The following RAB12 variants were observed in gnomAD, a reference collection of about 807,000 sequenced individuals.
The protein encoded by RAB12 is RAB12, member RAS oncogene family, also known as ras-related protein Rab-12.
A neutral mutation model predicts 28.4 loss-of-function variants in RAB12; 11 were observed. The observed-to-expected ratio is 0.39, with a 90% CI of 0.24 to 0.64. RAB12 has a LOEUF of 0.64. Among genes scored for constraint, RAB12 ranks in the 30% least tolerant of loss-of-function variants. The probability of loss-of-function intolerance (pLI) is 0.50; values close to 1 mark genes in which losing one functional copy is unlikely to be tolerated. For missense variants in RAB12, 276 were observed against 351.1 expected, an observed-to-expected ratio of 0.79 and a Z score of 1.71; for synonymous variants, 138 against 145.3, an observed-to-expected ratio of 0.95 and a Z score of 0.36.
chr18:8,626,944 G>GT (rs2148709757), intron 2 of RAB12, among the ~76,000 whole-genome samples: 1 of 152,326 alleles, frequency 6.6e-6, no homozygotes, highest in Non-Finnish European at 1.5e-5. Flanking sequence ...CTGCAGGAAG[G>GT]TTTTGAACAG....
At chr18:8,618,801 C>A (rs1229707885) in intron 1 of RAB12, among the ~76,000 whole-genome samples, 1 of 152,200 alleles carries the variant, frequency 6.6e-6, no homozygotes, top group Non-Finnish European at 1.5e-5. Context: ...TGTGAGCCAC[C>A]GTGCTCAGCC....
intron 1 of RAB12, among the ~76,000 whole-genome samples, chr18:8,612,275 T>C (rs929542908): frequency 6.6e-6 from 1 of 152,208 alleles, no homozygotes; most frequent in Non-Finnish European, 1.5e-5. Flanking sequence ...TTCCTCGTCA[T>C]TGGAATGTTT....
At chr18:8,620,165 C>CT (rs2096009078) in intron 1 of RAB12, among the ~76,000 whole-genome samples, 1 of 75,436 alleles carries the variant, frequency 1.3e-5, no homozygotes, top group Non-Finnish European at 2.3e-5. Context: ...TTTTTTGCTT[C>CT]AAAAAAAAAA....
Position 8,639,243 on chromosome 18 carries a change from CTG to C in RAB12, c.*982_*983del, listed in dbSNP as rs367749023. 160 of 122,534 alleles carry C rather than the reference CTG, an allele frequency of 1.3e-3. No homozygotes were observed. The highest frequency in any genetic ancestry group is 4.5e-3 in the African/African-American group (144 of 31,850). 7.6% of individuals were successfully genotyped at this position (122,534 alleles called of 1,614,324 possible). A position where few individuals can be genotyped will look rare whatever the true frequency, so the allele number is the denominator to read the frequency against. On this transcript the variant is annotated 3_prime_UTR_variant, in exon 6 of 6. Coordinates refer to ENST00000649141, the MANE Select transcript of RAB12 (RefSeq NM_001025300.3). The stretch of plus-strand genomic sequence containing the variant: ...TATCTTTGGTATATCTTTTATTAAA[CTG>C]CACTGTTTTGTTTAGTCAAGGTAAT...
chr18:8,609,798 T>C lies in RAB12; in HGVS notation c.359T>C (p.Leu120Pro). Reference sequence around the variant, plus strand: ...GGTCTGGGCGCGGGCTCCCCGGCGCTGTCGGGCGGCCAGGGCCGCCGGAGG... The same window carrying C: ...GGTCTGGGCGCGGGCTCCCCGGCGCCGTCGGGCGGCCAGGGCCGCCGGAGG... Reference protein sequence around the residue: ...GGGLGAGSPALSGGQGRRRKQ... With the variant: ...GGGLGAGSPAPSGGQGRRRKQ... The change falls in exon 1 of 6, where the codon CTG (leucine) becomes CCG (proline). Residue 120 changes from leucine (L) to proline (P), a missense_variant. Physicochemically the swap from Leu to Pro is moderately conservative, Grantham distance 98 (BLOSUM62 -3). Coordinates refer to ENST00000649141, the MANE Select transcript of RAB12 (RefSeq NM_001025300.3). 2.8e-6 allele frequency: 4 copies of C among 1,416,884 alleles called. No homozygotes were observed. Among genetic ancestry groups the C allele is most frequent in the African/African-American group, 1.5e-5 (1 of 66,370 alleles). The allele number at this position is 1,416,884 out of a possible 1,614,324, so 87.8% of individuals were successfully genotyped here.
At chr18:8,620,382 C>T (rs967610192) in intron 1 of RAB12, among the ~76,000 whole-genome samples, 28 of 151,914 alleles carry the variant, frequency 1.8e-4, no homozygotes, top group African/African-American at 6.5e-4. Context: ...AAACTGTTAC[C>T]GTAATCCTCT....
intron 2 of RAB12, among the ~76,000 whole-genome samples, chr18:8,626,619 A>G (rs965442834): frequency 6.6e-6 from 1 of 152,234 alleles, no homozygotes. Context: ...TCTGACTACA[A>G]TGTCCTTGAC....
chr18:8,630,852 A>G (rs1428941467), intron 2 of RAB12, among the ~76,000 whole-genome samples: 5 of 152,340 alleles, frequency 3.3e-5, no homozygotes, highest in Admixed American at 3.3e-4. Flanking sequence ...GTCTAGGGTT[A>G]AGAAAATAAC....
At chr18:8,612,294 G>T (rs1461326445) in intron 1 of RAB12, among the ~76,000 whole-genome samples, 1 of 152,234 alleles carries the variant, frequency 6.6e-6, no homozygotes, top group East Asian at 1.9e-4. Flanking sequence ...TTGAAGATAA[G>T]TTTGTTCCTC....
intron 2 of RAB12, among the ~76,000 whole-genome samples, chr18:8,630,794 C>T (rs970516393): frequency 2.0e-5 from 3 of 152,226 alleles, no homozygotes; most frequent in African/African-American, 7.2e-5. Flanking sequence ...ACCATATTTG[C>T]AAACCTATCT....
At chr18:8,633,043 GT>G in intron 2 of RAB12, 145 bp from the exon 3 acceptor site, 3 of 891,770 alleles carry the variant, frequency 3.4e-6, no homozygotes, top group Non-Finnish European at 5.3e-6. Context: ...TTCTTTAAGT[GT>G]GGTCATCAGG....
intron 1 of RAB12, among the ~76,000 whole-genome samples, chr18:8,614,403 A>G (rs1363677473): frequency 2.0e-5 from 3 of 152,068 alleles, no homozygotes; most frequent in African/African-American, 4.8e-5. Flanking sequence ...AAGAAAGGCA[A>G]TCTGGACCAG....
chr18:8,618,759 G>A (rs367774823), intron 1 of RAB12, among the ~76,000 whole-genome samples: 173 of 152,190 alleles, frequency 1.1e-3, no homozygotes, highest in African/African-American at 3.6e-3. Context: ...TGATCCACCC[G>A]CCTTGGCCTC....
intron 1 of RAB12, among the ~76,000 whole-genome samples, chr18:8,619,688 G>T (rs2096008661): frequency 6.6e-6 from 1 of 152,130 alleles, no homozygotes. Flanking sequence ...ATGACTGTAG[G>T]CAAATTACCC....
intron 4 of RAB12, among the ~76,000 whole-genome samples, chr18:8,635,964 C>T (rs951440777): frequency 1.3e-5 from 2 of 152,148 alleles, no homozygotes; most frequent in South Asian, 2.1e-4. Flanking sequence ...CATGGAGAAA[C>T]GATGCTATTC....
At position 8,636,321 on chromosome 18, in the gene RAB12, G is replaced by A. The variant is rs761024267; in HGVS notation, c.873G>A (p.Glu291=). Residue 291 remains glutamate, a synonymous_variant, in exon 5 of 6, where the codon GAG becomes GAA. Coordinates refer to ENST00000649141, the MANE Select transcript of RAB12 (RefSeq NM_001025300.3). ...ASAKDNFNVD[E]IFLKLVDDIL... ...CCAAGGATAACTTCAATGTGGACGAGATATTTTTGAAACTTGTCGATGACA... is the reference window on the plus strand; with the variant it reads ...CCAAGGATAACTTCAATGTGGACGAAATATTTTTGAAACTTGTCGATGACA... 8 of 1,610,662 alleles carry A rather than the reference G, an allele frequency of 5.0e-6. No individual in the cohort carries two copies. Among genetic ancestry groups the A allele is most frequent in the Non-Finnish European group, 5.9e-6 (7 of 1,178,594 alleles).
At chr18:8,630,678 A>G (rs1183176230) in intron 2 of RAB12, among the ~76,000 whole-genome samples, 1 of 152,230 alleles carries the variant, frequency 6.6e-6, no homozygotes, top group Non-Finnish European at 1.5e-5. Flanking sequence ...TGGCATCTGT[A>G]CTGATTGATG....
chr18:8,621,585 T>A (rs1192117683), intron 1 of RAB12, among the ~76,000 whole-genome samples: 1 of 152,234 alleles, frequency 6.6e-6, no homozygotes, highest in African/African-American at 2.4e-5. Context: ...TCATTTTGGC[T>A]AAACAGATTC....
At chr18:8,613,442 C>G (rs2096004966) in intron 1 of RAB12, among the ~76,000 whole-genome samples, 1 of 152,186 alleles carries the variant, frequency 6.6e-6, no homozygotes, top group South Asian at 2.1e-4. Flanking sequence ...GACATTATTG[C>G]TTCCTGAGTG....
Sources: allele counts gnomAD v4.1 joint callset (sites outside exome capture counted in the v4.1 genomes callset), GRCh38; gene constraint gnomAD v4.1.1; transcripts MANE v1.5; gene names NCBI Gene and HGNC (gene_info 2026-07-23, HGNC 2026-07-21).